METAP1D: variants seen among roughly 807,000 people sequenced by gnomAD.
METAP1D encodes methionine aminopeptidase 1D, mitochondrial.
Under a neutral mutation model 40.5 loss-of-function variants are expected in METAP1D, and 31 were observed. The observed-to-expected ratio is 0.77, with a 90% CI of 0.58 to 1.03. The LOEUF (loss-of-function observed/expected upper bound fraction) is 1.03. Ranked by LOEUF, METAP1D falls within the 50% of genes least tolerant of loss-of-function variation. The probability of loss-of-function intolerance (pLI) is 0.00; values close to 1 mark genes in which losing one functional copy is unlikely to be tolerated. For missense variants in METAP1D, 411 were observed against 420.7 expected (o/e 0.98, Z 0.20); for synonymous variants, 151 against 146.4 (o/e 1.03, Z -0.22).
In METAP1D at chr2:172,040,625, C is replaced by A. The variant is rs566486426; in HGVS notation, c.41-20873C>A. Among the ~76,000 whole-genome samples, 6 of 152,138 alleles carry A rather than the reference C, an allele frequency of 3.9e-5. No homozygotes were observed. The East Asian group carries it at 9.7e-4, about 24-fold the overall frequency. On this transcript the variant is annotated intron_variant, in intron 1 of 9. Transcript: ENST00000315796. ...AGAGATATACAGAGTCCTTGTTCAG[C>A]GGAGTGGCAGATTTGTTTTAAGTTT...
In METAP1D at chr2:172,045,811, GTGTGTGTGTATA is replaced by G. The variant is rs1429102989; in HGVS notation, c.41-15685_41-15674del. Among the ~76,000 whole-genome samples, 339 of 51,652 alleles carry G rather than the reference GTGTGTGTGTATA, an allele frequency of 6.6e-3. 2 individuals carry two copies. Among genetic ancestry groups the G allele is most frequent in the East Asian group, 0.041 (32 of 780 alleles). The allele number at this position is 51,652 out of a possible 152,430, so 33.9% of individuals were successfully genotyped here. A position where few individuals can be genotyped will look rare whatever the true frequency, so the allele number is the denominator to read the frequency against. ...TATATGTATATATGTGTGTGTGTGT[GTGTGTGTGTATA>G]TATATATATATATATATATATATAT... On this transcript the variant is annotated intron_variant, in intron 1 of 9. Coordinates refer to ENST00000315796, the MANE Select transcript of METAP1D (RefSeq NM_199227.3).
At chr2:172,028,370 G>A (rs1457203366) in intron 1 of METAP1D, among the ~76,000 whole-genome samples, 1 of 152,202 alleles carries the variant, frequency 6.6e-6, no homozygotes, top group Admixed American at 6.5e-5. Flanking sequence ...GTGCCAGGAG[G>A]CCAGAGGGAG....
At chr2:172,032,959 T>A (rs1217322553) in intron 1 of METAP1D, among the ~76,000 whole-genome samples, 1 of 151,998 alleles carries the variant, frequency 6.6e-6, no homozygotes, top group African/African-American at 2.4e-5. Context: ...CTCGGGAGGC[T>A]GAGGCAGGAG....
intron 7 of METAP1D, among the ~76,000 whole-genome samples, chr2:172,078,780 C>T (rs137938421): frequency 6.6e-6 from 1 of 152,272 alleles, no homozygotes; most frequent in East Asian, 1.9e-4. Flanking sequence ...TGAAGTCAGG[C>T]CCCTGCTCCC....
intron 6 of METAP1D, among the ~76,000 whole-genome samples, chr2:172,074,061 T>A (rs1690485191): frequency 6.6e-6 from 1 of 152,186 alleles, no homozygotes. Flanking sequence ...TGTCTAGTAA[T>A]CTTTAGGTCA....
intron 1 of METAP1D, among the ~76,000 whole-genome samples, chr2:172,037,711 G>C (rs768925330): frequency 1.3e-5 from 2 of 152,168 alleles, no homozygotes; most frequent in South Asian, 4.1e-4. Context: ...TTCCATCTGG[G>C]TTCTGAACAC....
intron 8 of METAP1D, among the ~76,000 whole-genome samples, 172 bp downstream of exon 8, chr2:172,079,434 T>G (rs1193657683): frequency 6.6e-6 from 1 of 152,250 alleles, no homozygotes; most frequent in African/African-American, 2.4e-5. Context: ...TCTTCCTAAA[T>G]CAGATACTTA....
At chr2:172,059,177 T>C (rs2105471020) in intron 1 of METAP1D, among the ~76,000 whole-genome samples, 1 of 151,848 alleles carries the variant, frequency 6.6e-6, no homozygotes, top group Middle Eastern at 3.4e-3. Flanking sequence ...GGCGCGATCT[T>C]GGCTCACTGC....
chr2:172,010,395 C>T (rs569399178), intron 1 of METAP1D, among the ~76,000 whole-genome samples: 2 of 147,590 alleles, frequency 1.4e-5, no homozygotes, highest in Non-Finnish European at 3.0e-5. Context: ...GTCAGCCCAC[C>T]TTGGCCTCCC....
chr2:172,030,220 G>A (rs1008203151), intron 1 of METAP1D, among the ~76,000 whole-genome samples: 5 of 151,798 alleles, frequency 3.3e-5, no homozygotes, highest in African/African-American at 1.2e-4. Context: ...CTCCTGAGTA[G>A]CTGGGATTAC....
chr2:172,050,962 T>C (rs899777663), intron 1 of METAP1D, among the ~76,000 whole-genome samples: 7 of 152,208 alleles, frequency 4.6e-5, no homozygotes, highest in African/African-American at 1.4e-4. Context: ...CCTGAGTATA[T>C]GTATTGTTGA....
intron 1 of METAP1D, among the ~76,000 whole-genome samples, chr2:172,043,473 C>G (rs1399433979): frequency 7.5e-6 from 1 of 133,174 alleles, no homozygotes; most frequent in Non-Finnish European, 1.7e-5. Flanking sequence ...GTGTGTGAGT[C>G]TGCATGTATG....
intron 1 of METAP1D, among the ~76,000 whole-genome samples, chr2:172,056,312 G>A (rs1034426605): frequency 6.6e-6 from 1 of 152,150 alleles, no homozygotes; most frequent in African/African-American, 2.4e-5. Context: ...ACTCAGCACC[G>A]AGCTTGGCAC....
rs1690586238 is a variant in METAP1D, at chr2:172,077,897, A to T, written c.802+3A>T. On this transcript the variant is annotated splice_donor_region_variant and intron_variant, in intron 7 of 9. Transcript: ENST00000315796. ...ACATCCAGAAATTTGGCATCATGGT[A>T]AGAAAGTTCATTTGGAGGCTGTTTC... 6.5e-7 allele frequency: 1 copy of T among 1,544,634 alleles called. No individual in the cohort carries two copies. Among genetic ancestry groups the T allele is most frequent in the Non-Finnish European group, 8.9e-7 (1 of 1,119,566 alleles).
chr2:172,041,798 T>C (rs1689539569), intron 1 of METAP1D, among the ~76,000 whole-genome samples: 1 of 85,698 alleles, frequency 1.2e-5, no homozygotes, highest in African/African-American at 3.4e-5. Flanking sequence ...ACCTAATATA[T>C]ATATAGTTTT....
rs757655268 is a variant in METAP1D, at chr2:172,043,988, G to A, written c.41-17510G>A. ...TGTGCCTGTAGTCCCAGCTACTTGG[G>A]AGGCTGAGGCAGGAGGATTGCTTGA... On this transcript the variant is annotated intron_variant, in intron 1 of 9. Coordinates refer to ENST00000315796, the MANE Select transcript of METAP1D (RefSeq NM_199227.3). 1.0e-4 allele frequency among the ~76,000 whole-genome samples: 14 copies of A among 134,678 alleles called. 3 individuals are homozygous for A. Among genetic ancestry groups the A allele is most frequent in the Middle Eastern group, 4.3e-3 (1 of 230 alleles). 88.4% of individuals were successfully genotyped at this position (134,678 alleles called of 152,430 possible). A position where few individuals can be genotyped will look rare whatever the true frequency, so the allele number is the denominator to read the frequency against.
chr2:172,077,912 G>C lies in METAP1D; in HGVS notation c.802+18G>C. The C allele has an allele frequency of 7.0e-7, 1 of 1,420,296 alleles. No homozygotes were observed. The highest frequency in any genetic ancestry group is 9.9e-7 in the Non-Finnish European group (1 of 1,008,432). 88.0% of individuals were successfully genotyped at this position (1,420,296 alleles called of 1,614,324 possible). A position where few individuals can be genotyped will look rare whatever the true frequency, so the allele number is the denominator to read the frequency against. On this transcript the variant is annotated intron_variant, in intron 7 of 9. Transcript: ENST00000315796. ...GCATCATGGTAAGAAAGTTCATTTG[G>C]AGGCTGTTTCTTGATCAGAGATCAA...
chr2:172,008,334 TA>T (rs1261445114), intron 1 of METAP1D, among the ~76,000 whole-genome samples: 1 of 152,204 alleles, frequency 6.6e-6, no homozygotes, highest in Non-Finnish European at 1.5e-5. Context: ...ACTCCTTCTT[TA>T]TTTATCAGCT....
chr2:172,008,125 C>CCA (rs1400384637), intron 1 of METAP1D, among the ~76,000 whole-genome samples: 1 of 140,386 alleles, frequency 7.1e-6, no homozygotes, highest in Non-Finnish European at 1.5e-5. Context: ...GTATTATATT[C>CCA]CACAGGGCTT....
Sources: allele counts gnomAD v4.1 joint callset (sites outside exome capture counted in the v4.1 genomes callset), GRCh38; gene constraint gnomAD v4.1.1; transcripts MANE v1.5; gene names NCBI Gene and HGNC (gene_info 2026-07-23, HGNC 2026-07-21).